The following CASD1 variants were observed in gnomAD, a reference collection of about 807,000 sequenced individuals.
CASD1 encodes the protein N-acetylneuraminate (7)9-O-acetyltransferase.
A neutral mutation model predicts 100.0 loss-of-function variants in CASD1; 41 were observed. The observed-to-expected ratio is 0.41, with a 90% CI of 0.32 to 0.53. The LOEUF is 0.53. CASD1 is among the 20% of genes least tolerant of loss of function. The pLI is 0.25. For synonymous variants in CASD1, 321 were observed against 315.6 expected, an observed-to-expected ratio of 1.02 and a Z score of -0.18; for missense variants, 774 against 948.7, an observed-to-expected ratio of 0.82 and a Z score of 2.42.
chr7:94,632,138 A>G, the CASD1 span, among the ~76,000 whole-genome samples: 1 of 152,054 alleles, frequency 6.6e-6, no homozygotes, highest in African/African-American at 2.4e-5. Context: ...TGACATTATA[A>G]ACTAATAGTC....
chr7:94,627,175 A>G, the CASD1 span: 1 of 152,062 alleles, frequency 6.6e-6, no homozygotes, highest in African/African-American at 2.4e-5. Context: ...GAATTGGCCA[A>G]TGTGGAAGCT....
At chr7:94,549,155 G>T (rs1485543736) in intron 13 of CASD1, among the ~76,000 whole-genome samples, 2 of 151,930 alleles carry the variant, frequency 1.3e-5, no homozygotes, top group Non-Finnish European at 2.9e-5. Context: ...TCTGTTTGAT[G>T]AGTAAATACT....
the CASD1 span, among the ~76,000 whole-genome samples, chr7:94,613,128 G>A: frequency 2.0e-3 from 305 of 152,234 alleles, no homozygotes; most frequent in African/African-American, 7.1e-3. Context: ...AAAAACAAAC[G>A]GAACACAGAT....
At chr7:94,568,979 A>G in the CASD1 span, among the ~76,000 whole-genome samples, 3 of 152,288 alleles carry the variant, frequency 2.0e-5, no homozygotes, top group East Asian at 5.8e-4. Flanking sequence ...AGCAGCCCAA[A>G]TGGACTAAGA....
intron 3 of CASD1, among the ~76,000 whole-genome samples, chr7:94,519,126 T>C (rs1014579588): frequency 6.6e-6 from 1 of 152,192 alleles, no homozygotes; most frequent in African/African-American, 2.4e-5. Flanking sequence ...GTTTCTGTTA[T>C]TGATTTTGTT....
At chr7:94,518,381 T>TA (rs1346083606) in intron 3 of CASD1, 58 bp downstream of exon 3, 6 of 1,422,078 alleles carry the variant, frequency 4.2e-6, no homozygotes, top group Middle Eastern at 2.5e-4. Flanking sequence ...ACTGAATAGT[T>TA]ACAGGAGGAG....
the CASD1 span, among the ~76,000 whole-genome samples, chr7:94,565,398 G>A: frequency 2.6e-5 from 4 of 152,058 alleles, no homozygotes; most frequent in Non-Finnish European, 5.9e-5. Flanking sequence ...CCCACTGAAG[G>A]TATAGTTCCT....
the CASD1 span, among the ~76,000 whole-genome samples, chr7:94,610,258 C>G: frequency 6.6e-6 from 1 of 152,140 alleles, no homozygotes; most frequent in South Asian, 2.1e-4. Context: ...TGAAACTACT[C>G]TGTATGATAC....
At chr7:94,538,013 G>A (rs192757749) in intron 9 of CASD1, 119 bp downstream of exon 9, 125 of 645,954 alleles carry the variant, frequency 1.9e-4, no homozygotes, top group Non-Finnish European at 3.0e-4. Flanking sequence ...AGATGAAGAT[G>A]AAGGAAGATT....
At chr7:94,617,116 C>T in the CASD1 span, 1 of 152,154 alleles carries the variant, frequency 6.6e-6, no homozygotes, top group Non-Finnish European at 1.5e-5. Flanking sequence ...GAGTCACATG[C>T]TCAGGCCCAG....
the CASD1 span, among the ~76,000 whole-genome samples, chr7:94,572,937 C>T: frequency 2.6e-5 from 4 of 152,126 alleles, no homozygotes; most frequent in African/African-American, 9.7e-5. Flanking sequence ...AAATTCCAAT[C>T]TTCTGCATAT....
the CASD1 span, among the ~76,000 whole-genome samples, chr7:94,612,463 G>C: frequency 7.2e-5 from 11 of 152,116 alleles, no homozygotes; most frequent in African/African-American, 2.7e-4. Flanking sequence ...TGCATCATAA[G>C]CATATTCCAC....
the CASD1 span, among the ~76,000 whole-genome samples, chr7:94,574,645 C>T: frequency 0.14 from 20,419 of 150,856 alleles, 4,574 homozygotes; most frequent in African/African-American, 0.47. Flanking sequence ...CAGCTAGCAG[C>T]CATCTATCTT....
At chr7:94,562,018 A>C (rs961568644), downstream of CASD1, among the ~76,000 whole-genome samples, 11 of 152,278 alleles carry the variant, frequency 7.2e-5, no homozygotes, top group African/African-American at 1.2e-4. Context: ...TATGAAACTC[A>C]TCATTGTGTC....
the CASD1 span, among the ~76,000 whole-genome samples, chr7:94,568,795 C>T: frequency 3.9e-5 from 6 of 152,144 alleles, no homozygotes; most frequent in Non-Finnish European, 5.9e-5. Flanking sequence ...CAGAGAGTTT[C>T]CTTGCCCCTT....
the CASD1 span, among the ~76,000 whole-genome samples, chr7:94,633,992 A>G: frequency 1.3e-5 from 2 of 152,170 alleles, no homozygotes; most frequent in Non-Finnish European, 2.9e-5. Context: ...ACAACTGAGT[A>G]TAAGACCCTG....
chr7:94,511,495 C>T (rs528744441), intron 1 of CASD1, among the ~76,000 whole-genome samples: 1 of 152,254 alleles, frequency 6.6e-6, no homozygotes, highest in East Asian at 1.9e-4. Context: ...TCTTTATAAC[C>T]TTTTGGCCTC....
chr7:94,561,748 G>A (rs926996261), downstream of CASD1, among the ~76,000 whole-genome samples: 1 of 152,090 alleles, frequency 6.6e-6, no homozygotes, highest in Admixed American at 6.6e-5. Flanking sequence ...GAACCCTAGG[G>A]TGGCTGAACT....
downstream of CASD1, among the ~76,000 whole-genome samples, chr7:94,560,548 C>T (rs138592862): frequency 2.7e-3 from 415 of 152,100 alleles, no homozygotes; most frequent in African/African-American, 5.7e-3. Context: ...TTTAGAGTAA[C>T]GGGAGAAGTG....
Sources: gnomAD v4.1 joint callset for allele counts (sites outside exome capture counted in the v4.1 genomes callset) on GRCh38, gnomAD v4.1.1 for gene constraint, MANE v1.5 for transcripts, NCBI Gene and HGNC (gene_info 2026-07-23, HGNC 2026-07-21) for gene names.